Variants in WTAP observed in about 807,000 individuals in gnomAD.
The protein encoded by WTAP is pre-mRNA-splicing regulator WTAP.
WTAP carries 8 observed loss-of-function variants against 50.0 expected under a neutral mutation model. That is an observed-to-expected ratio of 0.16 (90% confidence interval 0.09 to 0.29). WTAP has a LOEUF of 0.29. Ranked by LOEUF, WTAP falls within the 10% of genes least tolerant of loss-of-function variation. The pLI is 1.00. For synonymous variants in WTAP, 194 were observed against 169.0 expected (o/e 1.15, Z -1.15); for missense variants, 295 against 470.7 (o/e 0.63, Z 3.45).
In WTAP at chr6:159,748,880, T is replaced by C. The variant is rs1433766443; in HGVS notation, c.452+511T>C. ...AGACACTGTGTATCAGTTTTGCCAA[T>C]AAGACTGTGGACTTCATGATTGTTG... On this transcript the variant is annotated intron_variant, in intron 6 of 7. Transcript: ENST00000621533. The surrounding 1 kb of genome is among the most constrained non-coding windows in gnomAD (Gnocchi z 5.6). The C allele has an allele frequency of 8.3e-7, 1 of 1,198,874 alleles. No homozygotes were observed. Among genetic ancestry groups the C allele is most frequent in the Admixed American group, 4.4e-5 (1 of 22,734 alleles). The allele number at this position is 1,198,874 out of a possible 1,614,324, so 74.3% of individuals were successfully genotyped here. A position where few individuals can be genotyped will look rare whatever the true frequency, so the allele number is the denominator to read the frequency against.
At chr6:159,741,489 T>A (rs1048169232) in intron 3 of WTAP, 1 of 152,306 alleles carries the variant, frequency 6.6e-6, no homozygotes, top group Middle Eastern at 3.4e-3. Context: ...GGACAACATA[T>A]GAAAGCAGCA....
rs1452128294 is a variant in WTAP, at chr6:159,743,662, C to G, written c.146-3C>G. ...TATTTATAATTTTTTTTTGAATCATCAGCTAATGATGTAACTGGCCTAAGA... is the reference window on the plus strand; with the variant it reads ...TATTTATAATTTTTTTTTGAATCATGAGCTAATGATGTAACTGGCCTAAGA... On this transcript the variant is annotated splice_polypyrimidine_tract_variant and splice_region_variant and intron_variant, in intron 4 of 7. Transcript: ENST00000621533. 6.3e-7 allele frequency: 1 copy of G among 1,582,376 alleles called. No individual in the cohort carries two copies. The highest frequency in any genetic ancestry group is 8.6e-7 in the Non-Finnish European group (1 of 1,168,540).
At chr6:159,740,466 A>C (rs964491871) in intron 3 of WTAP, among the ~76,000 whole-genome samples, 1 of 152,086 alleles carries the variant, frequency 6.6e-6, no homozygotes, top group Non-Finnish European at 1.5e-5. Flanking sequence ...TGTGCCTTCT[A>C]TCCTTGTGAT....
At chr6:159,736,316 T>G (rs757292322) in intron 2 of WTAP, 21 bp downstream of exon 2, 2 of 1,596,978 alleles carry the variant, frequency 1.3e-6, no homozygotes, top group East Asian at 2.2e-5. Context: ...TGGTTTTGGG[T>G]TTTTTTGTTT....
intron 1 of WTAP, among the ~76,000 whole-genome samples, chr6:159,731,121 A>G (rs934700536): frequency 6.6e-6 from 1 of 152,034 alleles, no homozygotes; most frequent in African/African-American, 2.4e-5. Flanking sequence ...AGCCTGGGCA[A>G]CAGAGAGAGA....
At chr6:159,736,424 T>C in intron 2 of WTAP, 129 bp downstream of exon 2, 1 of 734,056 alleles carries the variant, frequency 1.4e-6, no homozygotes, top group Non-Finnish European at 2.3e-6. Context: ...TTTGCCTTTA[T>C]AACAATAATA....
At chr6:159,747,276 A>G (rs974850036) in intron 5 of WTAP, among the ~76,000 whole-genome samples, 3 of 152,192 alleles carry the variant, frequency 2.0e-5, no homozygotes, top group Non-Finnish European at 2.9e-5. Flanking sequence ...TCGAAATTGA[A>G]GGTTTCATAT....
upstream of WTAP, chr6:159,727,097 G>A (rs1167515703): frequency 2.5e-6 from 3 of 1,194,582 alleles, no homozygotes; most frequent in African/African-American, 1.6e-5. Flanking sequence ...CGACCTCGCT[G>A]GCCCGCCCCT....
At chr6:159,744,770 A>C (rs1487253110) in intron 5 of WTAP, among the ~76,000 whole-genome samples, 2 of 151,924 alleles carry the variant, frequency 1.3e-5, no homozygotes, top group Non-Finnish European at 2.9e-5. Context: ...TCCAGGCTGG[A>C]GTGCAGTGGT....
intron 1 of WTAP, among the ~76,000 whole-genome samples, chr6:159,728,428 A>AC (rs59247148): frequency 1.1e-4 from 13 of 123,020 alleles, no homozygotes; most frequent in African/African-American, 4.9e-4. Context: ...AACAAAACAA[A>AC]ACAAAAAAAC....
At chr6:159,742,547 T>C (rs1266506295) in intron 4 of WTAP, among the ~76,000 whole-genome samples, 2 of 152,180 alleles carry the variant, frequency 1.3e-5, no homozygotes, top group African/African-American at 4.8e-5. Flanking sequence ...CTTAAATCAA[T>C]ATATATAACT....
chr6:159,749,120 A>G, intron 6 of WTAP: 2 of 986,318 alleles, frequency 2.0e-6, no homozygotes, highest in Non-Finnish European at 2.4e-6. Flanking sequence ...AATGGTTGCA[A>G]AAACTGTAGA....
intron 6 of WTAP, among the ~76,000 whole-genome samples, chr6:159,751,167 C>T (rs1779806104): frequency 6.6e-6 from 1 of 152,142 alleles, no homozygotes; most frequent in African/African-American, 2.4e-5. Flanking sequence ...TTTTTCAAAA[C>T]TGTGATTTTG....
chr6:159,755,649 T>A lies in WTAP; in HGVS notation c.*38T>A. 6.5e-7 allele frequency: 1 copy of A among 1,530,570 alleles called. No individual in the cohort carries two copies. Among genetic ancestry groups the A allele is most frequent in the Non-Finnish European group, 8.8e-7 (1 of 1,141,562 alleles). 94.8% of individuals were successfully genotyped at this position (1,530,570 alleles called of 1,614,324 possible). The stretch of plus-strand genomic sequence containing the variant: ...AAATTTTTATACAGTGTCATTTAAT[T>A]TGGGAGAGGATACTGTCCAGAAAAT... On this transcript the variant is annotated 3_prime_UTR_variant, in exon 8 of 8. Transcript: ENST00000621533.
At chr6:159,741,265 C>T (rs1779240376) in intron 3 of WTAP, among the ~76,000 whole-genome samples, 1 of 152,164 alleles carries the variant, frequency 6.6e-6, no homozygotes, top group South Asian at 2.1e-4. Context: ...CCCTTGTATT[C>T]TGATAGCATA....
intron 6 of WTAP, among the ~76,000 whole-genome samples, chr6:159,752,529 A>C (rs1028478303): frequency 1.3e-5 from 2 of 152,210 alleles, no homozygotes; most frequent in Non-Finnish European, 2.9e-5. Flanking sequence ...TAGCATTTGG[A>C]AACTATAATC....
chr6:159,748,379 T>C lies in WTAP; in HGVS notation c.452+10T>C, dbSNP rs1779698125. 6.2e-7 allele frequency: 1 copy of C among 1,613,412 alleles called. No individual in the cohort carries two copies. The highest frequency in any genetic ancestry group is 8.5e-7 in the Non-Finnish European group (1 of 1,179,452). ...AGTTTACGCCTGATAGGTAAACAAA[T>C]CATACTCCCCAGTCAAGACTTCCCT... On this transcript the variant is annotated intron_variant, in intron 6 of 7. Transcript: ENST00000621533. The surrounding 1 kb of genome is among the most constrained non-coding windows in gnomAD (Gnocchi z 5.6).
chr6:159,755,170 T>A lies in WTAP; in HGVS notation c.750T>A (p.Ser250Arg). 2 of 1,614,062 alleles carry A rather than the reference T, an allele frequency of 1.2e-6. No individual in the cohort carries two copies. Among genetic ancestry groups the A allele is most frequent in the Non-Finnish European group, 1.7e-6 (2 of 1,179,998 alleles). ...QQQQSQASAP[S>R]TSRTTASEPV... ...AGCAGTCTCAGGCCTCTGCCCCAAG[T>A]ACCAGCAGGACTACAGCTTCTGAAC... is the stretch of plus-strand genomic sequence containing the variant. Residue 250 changes from serine (S) to arginine (R), a missense_variant, in exon 8 of 8, where the codon AGT becomes AGA. Transcript: ENST00000621533.
At chr6:159,728,431 A>AAAACC (rs1554262804) in intron 1 of WTAP, among the ~76,000 whole-genome samples, 1 of 90,822 alleles carries the variant, frequency 1.1e-5, no homozygotes, top group African/African-American at 4.7e-5. Context: ...AAAACAAAAC[A>AAAACC]AAAAAACTAT....
Sources: gnomAD v4.1 joint callset for allele counts (sites outside exome capture counted in the v4.1 genomes callset) on GRCh38, gnomAD v4.1.1 for gene constraint, Gnocchi (gnomAD v3.1) non-coding constraint, MANE v1.5 for transcripts, NCBI Gene and HGNC (gene_info 2026-07-23, HGNC 2026-07-21) for gene names.